CUX2: variants seen among roughly 807,000 people sequenced by gnomAD.
CUX2 encodes homeobox protein cut-like 2.
CUX2 carries 40 observed loss-of-function variants against 144.8 expected under a neutral mutation model. That is an observed-to-expected ratio of 0.28 (90% CI 0.21 to 0.36). The LOEUF (loss-of-function observed/expected upper bound fraction) is 0.36, where lower values mean the gene tolerates loss of function less well. CUX2 is among the 10% of genes least tolerant of loss of function. CUX2 has a pLI of 1.00. For missense variants in CUX2, 1,615 were observed against 1,994.0 expected (o/e 0.81, Z 3.62); for synonymous variants, 827 against 875.6 (o/e 0.94, Z 0.98).
At chr12:111,292,407 T>C (rs1315658884) in intron 5 of CUX2, among the ~76,000 whole-genome samples, 2 of 151,674 alleles carry the variant, frequency 1.3e-5, no homozygotes, top group East Asian at 1.9e-4. Flanking sequence ...CTGACCAATA[T>C]GGTGAAACCC....
At chr12:111,148,155 A>G (rs899473607) in intron 1 of CUX2, among the ~76,000 whole-genome samples, 2 of 152,188 alleles carry the variant, frequency 1.3e-5, no homozygotes, top group African/African-American at 4.8e-5. Flanking sequence ...TAAACAGATA[A>G]ATAAAATGTG....
Position 111,308,278 on chromosome 12 carries a change from C to G in CUX2, c.1110-7C>G. 1 of 1,614,152 alleles carries G rather than the reference C, an allele frequency of 6.2e-7. No individual in the cohort carries two copies. The highest frequency in any genetic ancestry group is 8.5e-7 in the Non-Finnish European group (1 of 1,180,014). ...TGACCTCAGACCCTCTCCACTTGCTCTGGCAGCATCCTGAAAGCCATGAAG... is the reference window on the plus strand; with the variant it reads ...TGACCTCAGACCCTCTCCACTTGCTGTGGCAGCATCCTGAAAGCCATGAAG... On this transcript the variant is annotated splice_polypyrimidine_tract_variant and splice_region_variant and intron_variant, in intron 12 of 21. Transcript: ENST00000261726.
At position 111,227,555 on chromosome 12, in the gene CUX2, C is replaced by T. The variant is rs984918310; in HGVS notation, c.222+9618C>T. Among the ~76,000 whole-genome samples the T allele has an allele frequency of 1.7e-4, 26 of 152,202 alleles. 2 individuals are homozygous for T. Among genetic ancestry groups the T allele is most frequent in the Non-Finnish European group, 2.9e-5 (2 of 68,024 alleles). On this transcript the variant is annotated intron_variant, in intron 3 of 21. Coordinates refer to ENST00000261726, the MANE Select transcript of CUX2 (RefSeq NM_015267.4). The stretch of plus-strand genomic sequence containing the variant: ...TCTCTCCAAAACCTAAGGTTCCAGG[C>T]GTACATCCCGCCTTCCCATTGGGCT...
At position 111,195,248 on chromosome 12, in the gene CUX2, A is replaced by G. The variant is rs150597184; in HGVS notation, c.64-18952A>G. Among the ~76,000 whole-genome samples, 212 of 152,114 alleles carry G rather than the reference A, an allele frequency of 1.4e-3. 1 individual carries two copies. The highest frequency in any genetic ancestry group is 0.01 in the Middle Eastern group (3 of 294). On this transcript the variant is annotated intron_variant, in intron 1 of 21. Transcript: ENST00000261726. ...AACGCACCTTTTTTTCCCTCCCCTG[A>G]CTGTTCCATCGCTTAAAAATGGCTT...
At chr12:111,042,396 A>C (rs988098236) in intron 1 of CUX2, among the ~76,000 whole-genome samples, 5 of 152,006 alleles carry the variant, frequency 3.3e-5, no homozygotes, top group Non-Finnish European at 7.4e-5. Flanking sequence ...ACGAGTGTCT[A>C]TGGGTGCGGG....
chr12:111,333,962 T>C (rs544343699), intron 18 of CUX2, among the ~76,000 whole-genome samples: 5 of 151,522 alleles, frequency 3.3e-5, no homozygotes, highest in Admixed American at 6.6e-5. Flanking sequence ...CTGAGGCGGG[T>C]GGATCATGAG....
intron 3 of CUX2, among the ~76,000 whole-genome samples, chr12:111,253,026 C>T (rs1180222176): frequency 6.6e-6 from 1 of 152,000 alleles, no homozygotes; most frequent in East Asian, 1.9e-4. Flanking sequence ...TCCTGTGGCT[C>T]GACCTTCACA....
chr12:111,087,314 G>A (rs2136049703), intron 1 of CUX2, among the ~76,000 whole-genome samples: 1 of 137,556 alleles, frequency 7.3e-6, no homozygotes, highest in Admixed American at 8.3e-5. Context: ...GTTGCAGTGA[G>A]CCAAGATCGT....
rs1887489607 is a variant in CUX2, at chr12:111,320,812, G to A, written c.2766+37G>A. 2.7e-6 allele frequency: 4 copies of A among 1,456,938 alleles called. No homozygotes were observed. The highest frequency in any genetic ancestry group is 1.4e-5 in the African/African-American group (1 of 69,022). The allele number at this position is 1,456,938 out of a possible 1,614,324, so 90.3% of individuals were successfully genotyped here. A position where few individuals can be genotyped will look rare whatever the true frequency, so the allele number is the denominator to read the frequency against. On this transcript the variant is annotated intron_variant, in intron 17 of 21. Coordinates refer to ENST00000261726, the MANE Select transcript of CUX2 (RefSeq NM_015267.4). This position sits in a 1 kb window ranked among gnomAD's most constrained non-coding sequence, Gnocchi z 8.1. ...GCGGGCCCCCGGTGTCTGGGCTCTG[G>A]GAGAAGATGTCGGAGAAGTAGGATG...
chr12:111,329,275 C>T (rs1252295133), intron 18 of CUX2, among the ~76,000 whole-genome samples: 2 of 151,434 alleles, frequency 1.3e-5, no homozygotes, highest in Admixed American at 6.6e-5. Context: ...TGTCTGGCAC[C>T]CCACCCACAA....
At chr12:111,089,681 G>T (rs143336809) in intron 1 of CUX2, among the ~76,000 whole-genome samples, 102 of 152,364 alleles carry the variant, frequency 6.7e-4, no homozygotes, top group Middle Eastern at 3.4e-3. Flanking sequence ...GCATTCCTAG[G>T]TTAATGGGAG....
At chr12:111,215,714 A>G (rs1881493123) in intron 2 of CUX2, among the ~76,000 whole-genome samples, 1 of 152,184 alleles carries the variant, frequency 6.6e-6, no homozygotes, top group Non-Finnish European at 1.5e-5. Flanking sequence ...CTTTGACTCC[A>G]GGAATCAGAG....
Position 111,126,977 on chromosome 12 carries a change from T to C in CUX2, c.64-87223T>C, listed in dbSNP as rs537098933. 2.0e-5 allele frequency among the ~76,000 whole-genome samples: 3 copies of C among 152,354 alleles called. No individual in the cohort carries two copies. In the East Asian group the frequency reaches 5.8e-4, roughly 29 times the overall value. On this transcript the variant is annotated intron_variant, in intron 1 of 21. Transcript: ENST00000261726. ...CAGTGATGTTTACTCTTTTCCTTGA[T>C]ACCCTACAGCTTAAATACTGTGATG... is the stretch of plus-strand genomic sequence containing the variant.
intron 1 of CUX2, among the ~76,000 whole-genome samples, chr12:111,185,914 A>C (rs1879499470): frequency 1.4e-5 from 2 of 146,986 alleles, no homozygotes; most frequent in South Asian, 2.2e-4. Flanking sequence ...TCTCTCTCAT[A>C]CCTCATCCCT....
chr12:111,300,011 C>A (rs1886211903), intron 9 of CUX2, among the ~76,000 whole-genome samples: 1 of 152,220 alleles, frequency 6.6e-6, no homozygotes, highest in Non-Finnish European at 1.5e-5. Context: ...CCCAGGTAGC[C>A]AGTTAGCTGG....
At position 111,293,166 on chromosome 12, in the gene CUX2, G is replaced by A. The variant is rs894379972; in HGVS notation, c.437-280G>A. ...AAAAATAAAAAAAGGTGAATTTTATGTGACGTATATTTTACCACAATTTTA... is the reference window on the plus strand; with the variant it reads ...AAAAATAAAAAAAGGTGAATTTTATATGACGTATATTTTACCACAATTTTA... On this transcript the variant is annotated intron_variant, in intron 5 of 21. Transcript: ENST00000261726. The surrounding 1 kb of genome is among the most constrained non-coding windows in gnomAD (Gnocchi z 4.5). 5.3e-5 allele frequency among the ~76,000 whole-genome samples: 8 copies of A among 152,192 alleles called. No homozygotes were observed. Among genetic ancestry groups the A allele is most frequent in the African/African-American group, 1.7e-4 (7 of 41,452 alleles).
At chr12:111,294,588 A>T (rs1455740155) in intron 6 of CUX2, among the ~76,000 whole-genome samples, 1 of 76,198 alleles carries the variant, frequency 1.3e-5, no homozygotes, top group South Asian at 8.0e-4. Flanking sequence ...ATCTTTTCAA[A>T]AAAAAAAAAA....
At chr12:111,228,437 T>A (rs547940589) in intron 3 of CUX2, among the ~76,000 whole-genome samples, 8 of 152,072 alleles carry the variant, frequency 5.3e-5, no homozygotes, top group Non-Finnish European at 1.0e-4. Context: ...TGTGTATAAT[T>A]TCCTGAGACA....
chr12:111,041,059 A>G (rs1165662548), intron 1 of CUX2, among the ~76,000 whole-genome samples: 6 of 152,240 alleles, frequency 3.9e-5, no homozygotes, highest in African/African-American at 1.2e-4. Flanking sequence ...AGAGAGAAGC[A>G]TGAAGAGTCA....
Sources: gnomAD v4.1 joint callset for allele counts (sites outside exome capture counted in the v4.1 genomes callset) on GRCh38, gnomAD v4.1.1 for gene constraint, Gnocchi (gnomAD v3.1) non-coding constraint, MANE v1.5 for transcripts, NCBI Gene and HGNC (gene_info 2026-07-23, HGNC 2026-07-21) for gene names.